The following SPATS2 variants were observed in gnomAD, a reference collection of about 807,000 sequenced individuals.
SPATS2 encodes the protein spermatogenesis associated serine rich 2, also known as spermatogenesis-associated serine-rich protein 2.
SPATS2 carries 38 observed loss-of-function variants against 63.7 expected under a neutral mutation model. That is an observed-to-expected ratio of 0.60 (90% confidence interval 0.46 to 0.78). The LOEUF (loss-of-function observed/expected upper bound fraction) is 0.78. Among genes scored for constraint, SPATS2 ranks in the 30% least tolerant of loss-of-function variants. The pLI is 0.00. For missense variants in SPATS2, 588 were observed against 666.2 expected, an observed-to-expected ratio of 0.88 and a Z score of 1.29; for synonymous variants, 207 against 232.9, an observed-to-expected ratio of 0.89 and a Z score of 1.01.
At chr12:49,444,855 C>A (rs1945484072) in intron 2 of SPATS2, among the ~76,000 whole-genome samples, 1 of 152,210 alleles carries the variant, frequency 6.6e-6, no homozygotes, top group South Asian at 2.1e-4. Context: ...CCACCGGCCT[C>A]AGCCTCCCAA....
At chr12:49,413,055 C>CA (rs1402856666) in intron 2 of SPATS2, among the ~76,000 whole-genome samples, 3 of 151,870 alleles carry the variant, frequency 2.0e-5, no homozygotes, top group African/African-American at 7.3e-5. Flanking sequence ...GGTCTCCAGA[C>CA]ACGTTGTTAA....
At chr12:49,422,271 A>G (rs947206251) in intron 2 of SPATS2, among the ~76,000 whole-genome samples, 3 of 152,156 alleles carry the variant, frequency 2.0e-5, no homozygotes, top group African/African-American at 4.8e-5. Flanking sequence ...GCAAACCTCA[A>G]GTTCTTCAGT....
chr12:49,522,328 A>G (rs1312280699), intron 11 of SPATS2, among the ~76,000 whole-genome samples: 1 of 152,238 alleles, frequency 6.6e-6, no homozygotes, highest in Non-Finnish European at 1.5e-5. Flanking sequence ...TAGGTTTCCT[A>G]AGGAAGTTCC....
intron 9 of SPATS2, among the ~76,000 whole-genome samples, chr12:49,503,219 G>A (rs1489976198): frequency 6.6e-6 from 1 of 151,942 alleles, no homozygotes; most frequent in South Asian, 2.1e-4. Context: ...GCGTGGTGGC[G>A]TGCACCTGTA....
chr12:49,410,407 T>C (rs544620789), intron 2 of SPATS2, among the ~76,000 whole-genome samples: 1 of 152,254 alleles, frequency 6.6e-6, no homozygotes, highest in East Asian at 1.9e-4. Context: ...CTGCACACCA[T>C]GTATCTGAAA....
chr12:49,380,902 A>G (rs776515626), intron 2 of SPATS2, among the ~76,000 whole-genome samples: 12 of 151,052 alleles, frequency 7.9e-5, no homozygotes, highest in Non-Finnish European at 1.8e-4. Context: ...TTTTTCCTCA[A>G]AAGCTGGTGT....
At chr12:49,442,923 C>T (rs1051694201) in intron 2 of SPATS2, among the ~76,000 whole-genome samples, 23 of 152,142 alleles carry the variant, frequency 1.5e-4, no homozygotes, top group African/African-American at 4.6e-4. Flanking sequence ...TTCCCTCCAG[C>T]CCCCAGCAAC....
intron 2 of SPATS2, among the ~76,000 whole-genome samples, chr12:49,385,429 A>G (rs1944298270): frequency 6.6e-6 from 1 of 151,628 alleles, no homozygotes; most frequent in Non-Finnish European, 1.5e-5. Flanking sequence ...ATTCAGATGT[A>G]GTGAGGGAAG....
intron 11 of SPATS2, 41 bp from the exon 12 acceptor site, chr12:49,522,710 T>C: frequency 4.6e-6 from 7 of 1,507,140 alleles, no homozygotes; most frequent in Non-Finnish European, 6.4e-6. Flanking sequence ...CCATGGATGT[T>C]GTTTGTCTAA....
At chr12:49,417,347 T>C (rs1944905979) in intron 2 of SPATS2, among the ~76,000 whole-genome samples, 3 of 152,242 alleles carry the variant, frequency 2.0e-5, no homozygotes, top group African/African-American at 7.2e-5. Context: ...TTAGCTAGCT[T>C]TCTTAATTCT....
At chr12:49,504,682 T>C (rs988170560) in intron 9 of SPATS2, among the ~76,000 whole-genome samples, 1 of 151,204 alleles carries the variant, frequency 6.6e-6, no homozygotes, top group Admixed American at 6.6e-5. Flanking sequence ...TGTAAGTTTA[T>C]GGTTAAGGTT....
chr12:49,426,443 G>T (rs1442731927), intron 2 of SPATS2, among the ~76,000 whole-genome samples: 1 of 152,150 alleles, frequency 6.6e-6, no homozygotes, highest in Non-Finnish European at 1.5e-5. Context: ...TCATATAAAT[G>T]GAAACATGCA....
At chr12:49,516,204 T>TATATATATATATAAAAATAA (rs764472141) in intron 10 of SPATS2, among the ~76,000 whole-genome samples, 5 of 70,696 alleles carry the variant, frequency 7.1e-5, no homozygotes, top group African/African-American at 2.1e-4. Context: ...TATATATATA[T>TATATATATATATAAAAATAA]ATATAAATCA....
chr12:49,420,969 T>C (rs1203748818), intron 2 of SPATS2, among the ~76,000 whole-genome samples: 2 of 152,172 alleles, frequency 1.3e-5, no homozygotes, highest in Non-Finnish European at 2.9e-5. Context: ...ATTGTACCAC[T>C]GCACACAAGC....
Position 49,492,438 on chromosome 12 carries a change from T to C in SPATS2, c.264+1707T>C, listed in dbSNP as rs534290652. Among the ~76,000 whole-genome samples the C allele has an allele frequency of 2.0e-5, 3 of 151,624 alleles. No individual in the cohort carries two copies. In the East Asian group the frequency reaches 5.8e-4, roughly 29 times the overall value. ...GGTTTCACCATGTTGGCTAGGCTGG[T>C]GTCGAACGCCTGACCCCAAGTGATC... On this transcript the variant is annotated intron_variant, in intron 6 of 13. Transcript: ENST00000552918.
chr12:49,498,745 T>TA (rs1946510230), intron 8 of SPATS2, among the ~76,000 whole-genome samples: 1 of 152,096 alleles, frequency 6.6e-6, no homozygotes, highest in Non-Finnish European at 1.5e-5. Flanking sequence ...TATCTCTTCT[T>TA]ACCACGCTTA....
intron 3 of SPATS2, among the ~76,000 whole-genome samples, chr12:49,483,126 T>C (rs1946233498): frequency 7.8e-6 from 1 of 128,506 alleles, no homozygotes; most frequent in Admixed American, 8.4e-5. Context: ...TCATCTAGTA[T>C]GTTGTTAAAG....
chr12:49,525,708 A>G (rs911849156), intron 13 of SPATS2, among the ~76,000 whole-genome samples: 2 of 152,208 alleles, frequency 1.3e-5, no homozygotes, highest in Non-Finnish European at 2.9e-5. Context: ...CATCCAGCTA[A>G]AGAAAAGTAA....
intron 2 of SPATS2, among the ~76,000 whole-genome samples, chr12:49,372,942 G>T (rs952315155): frequency 0.013 from 212 of 16,436 alleles, 2 homozygotes; most frequent in East Asian, 0.034. Context: ...TTTCTGTTTT[G>T]TGTGTGTGTG....
Sources: gnomAD v4.1 joint callset for allele counts (sites outside exome capture counted in the v4.1 genomes callset) on GRCh38, gnomAD v4.1.1 for gene constraint, MANE v1.5 for transcripts, NCBI Gene and HGNC (gene_info 2026-07-23, HGNC 2026-07-21) for gene names.